The following DCUN1D5 variants were observed in gnomAD, a reference collection of about 807,000 sequenced individuals.
The protein encoded by DCUN1D5 is defective in cullin neddylation 1 domain containing 5.
DCUN1D5 carries 10 observed loss-of-function variants against 38.3 expected under a neutral mutation model. The observed-to-expected ratio is 0.26, with a 90% CI of 0.16 to 0.44. The LOEUF (loss-of-function observed/expected upper bound fraction) is 0.44, where lower values mean the gene tolerates loss of function less well. Among genes scored for constraint, DCUN1D5 ranks in the 20% least tolerant of loss-of-function variants. DCUN1D5 has a pLI of 1.00. For synonymous variants in DCUN1D5, 93 were observed against 90.9 expected (o/e 1.02, Z -0.13); for missense variants, 148 against 275.3 (o/e 0.54, Z 3.27).
Position 103,062,503 on chromosome 11 carries a change from G to A in DCUN1D5, c.659-89C>T, listed in dbSNP as rs970719089. 1.8e-6 allele frequency: 2 copies of A among 1,105,792 alleles called. No individual in the cohort carries two copies. Among genetic ancestry groups the A allele is most frequent in the African/African-American group, 1.6e-5 (1 of 63,570 alleles). 68.5% of individuals were successfully genotyped at this position (1,105,792 alleles called of 1,614,324 possible). ...ACTCCCCACGAGCTCTGCAATGACAGAGGAATGACCCTTCCTTTCTTTGGG... is the reference window on the plus strand; with the variant it reads ...ACTCCCCACGAGCTCTGCAATGACAAAGGAATGACCCTTCCTTTCTTTGGG... On this transcript the variant is annotated intron_variant, in intron 7 of 7. Transcript: ENST00000260247. This position sits in a 1 kb window ranked among gnomAD's most constrained non-coding sequence, Gnocchi z 4.6.
rs1257477519 is a variant in DCUN1D5 at position 103,066,620 on chromosome 11, A to T, written c.342-53T>A. The T allele has an allele frequency of 6.2e-6, 7 of 1,123,774 alleles. No individual in the cohort carries two copies. The highest frequency in any genetic ancestry group is 6.7e-6 in the Non-Finnish European group (5 of 746,594). 69.6% of individuals were successfully genotyped at this position (1,123,774 alleles called of 1,614,324 possible). A position where few individuals can be genotyped will look rare whatever the true frequency, so the allele number is the denominator to read the frequency against. ...TACATAATCAAGAAAATCAAATAAA[A>T]GTATCACTGGGGGTTAGACGTAATG... On this transcript the variant is annotated intron_variant, in intron 4 of 7. Transcript: ENST00000260247. The surrounding 1 kb of genome is among the most constrained non-coding windows in gnomAD (Gnocchi z 4.7).
At chr11:103,072,332 C>T (rs1862292784) in intron 4 of DCUN1D5, among the ~76,000 whole-genome samples, 1 of 138,100 alleles carries the variant, frequency 7.2e-6, no homozygotes, top group Non-Finnish European at 1.6e-5. Flanking sequence ...CCTCAAGGAT[C>T]TAGAACTAGA....
rs1861711703 is a variant in DCUN1D5, at chr11:103,050,974, AC to A, written c.*11384del. 1 of 152,312 alleles carries A rather than the reference AC, an allele frequency of 6.6e-6. No individual in the cohort carries two copies. Among genetic ancestry groups the A allele is most frequent in the East Asian group, 1.9e-4 (1 of 5,184 alleles). 9.4% of individuals were successfully genotyped at this position (152,312 alleles called of 1,614,324 possible). On this transcript the variant is annotated 3_prime_UTR_variant, in exon 8 of 8. Transcript: ENST00000260247. ...AATCAGACCCAGAATAAGGGGGGAA[AC>A]CCTCCATGTCTACAGGATGCAGTAG... is the stretch of plus-strand genomic sequence containing the variant.
rs1382346052 is a variant in DCUN1D5, at chr11:103,052,366, T to C, written c.*9993A>G. On this transcript the variant is annotated 3_prime_UTR_variant, in exon 8 of 8. Coordinates refer to ENST00000260247, the MANE Select transcript of DCUN1D5 (RefSeq NM_032299.4). The stretch of plus-strand genomic sequence containing the variant: ...TAAAATACGGTCCATTTCTTTTAAG[T>C]AACTTGCAGTCTAGGATCAAAGAGA... The C allele has an allele frequency of 6.6e-6, 1 of 152,206 alleles. No homozygotes were observed. Among genetic ancestry groups the C allele is most frequent in the Non-Finnish European group, 1.5e-5 (1 of 68,022 alleles). 9.4% of individuals were successfully genotyped at this position (152,206 alleles called of 1,614,324 possible).
At chr11:103,082,071 C>T (rs1422585583) in intron 4 of DCUN1D5, among the ~76,000 whole-genome samples, 1 of 152,092 alleles carries the variant, frequency 6.6e-6, no homozygotes, top group Non-Finnish European at 1.5e-5. Context: ...AAACATGATA[C>T]TATACAATTA....
intron 4 of DCUN1D5, among the ~76,000 whole-genome samples, chr11:103,070,921 GC>G (rs757469126): frequency 1.3e-5 from 2 of 152,060 alleles, no homozygotes; most frequent in Non-Finnish European, 2.9e-5. Context: ...AAAGTTAATG[GC>G]AAAATCTCCA....
intron 4 of DCUN1D5, among the ~76,000 whole-genome samples, chr11:103,067,736 A>G (rs933011408): frequency 6.6e-6 from 1 of 152,198 alleles, no homozygotes; most frequent in Non-Finnish European, 1.5e-5. Context: ...CATTTCTAGA[A>G]TAAGTCAAAT....
rs759421806 is a variant in DCUN1D5, at chr11:103,062,136, A to G, written c.*223T>C. 84 of 477,110 alleles carry G rather than the reference A, an allele frequency of 1.8e-4. No homozygotes were observed. Among genetic ancestry groups the G allele is most frequent in the Non-Finnish European group, 2.6e-4 (71 of 271,080 alleles). 29.6% of individuals were successfully genotyped at this position (477,110 alleles called of 1,614,324 possible). A position where few individuals can be genotyped will look rare whatever the true frequency, so the allele number is the denominator to read the frequency against. Reference sequence around the variant, plus strand: ...TTGTTCTGAAATAAATGTTATAAACATAACTCAAAACAAAAACTTCAATAT... The same window carrying G: ...TTGTTCTGAAATAAATGTTATAAACGTAACTCAAAACAAAAACTTCAATAT... On this transcript the variant is annotated 3_prime_UTR_variant, in exon 8 of 8. Transcript: ENST00000260247. This position sits in a 1 kb window ranked among gnomAD's most constrained non-coding sequence, Gnocchi z 4.6.
Position 103,056,681 on chromosome 11 carries a change from C to T in DCUN1D5, c.*5678G>A, listed in dbSNP as rs1861881060. Among the ~76,000 whole-genome samples the T allele has an allele frequency of 6.6e-6, 1 of 152,090 alleles. No homozygotes were observed. Among genetic ancestry groups the T allele is most frequent in the Admixed American group, 6.5e-5 (1 of 15,270 alleles). On this transcript the variant is annotated 3_prime_UTR_variant, in exon 8 of 8. Transcript: ENST00000260247. The surrounding 1 kb of genome is among the most constrained non-coding windows in gnomAD (Gnocchi z 4.9). ...TATTCAGGCCTAGAATACTTCTTGG[C>T]ATATAGTAGATGCTTGAGATTTGTT...
chr11:103,085,277 A>G (rs1044290616), intron 2 of DCUN1D5, among the ~76,000 whole-genome samples: 3 of 152,112 alleles, frequency 2.0e-5, no homozygotes, highest in Non-Finnish European at 4.4e-5. Flanking sequence ...GTCTCTACTA[A>G]AACTACAAAA....
intron 1 of DCUN1D5, among the ~76,000 whole-genome samples, chr11:103,090,512 C>T (rs374597036): frequency 3.3e-5 from 5 of 152,218 alleles, no homozygotes; most frequent in African/African-American, 1.2e-4. Context: ...ATCATTATTT[C>T]CTTCTTATAA....
rs147991325 is a variant in DCUN1D5, at chr11:103,091,548, T to C, written c.86+239A>G. 2.2e-4 allele frequency: 125 copies of C among 570,390 alleles called. No individual in the cohort carries two copies. The East Asian group carries it at 3.5e-3, about 16-fold the overall frequency. The allele number at this position is 570,390 out of a possible 1,614,324, so 35.3% of individuals were successfully genotyped here. A position where few individuals can be genotyped will look rare whatever the true frequency, so the allele number is the denominator to read the frequency against. On this transcript the variant is annotated intron_variant, in intron 1 of 7. Transcript: ENST00000260247. The surrounding 1 kb of genome is among the most constrained non-coding windows in gnomAD (Gnocchi z 4.3). The stretch of plus-strand genomic sequence containing the variant: ...TCTGTTCCCCACCCTGCAGGGCACG[T>C]AGACTCTTAACGTGGGCGGCTCTTC...
chr11:103,076,973 T>C (rs961394692), intron 4 of DCUN1D5, among the ~76,000 whole-genome samples: 1 of 151,770 alleles, frequency 6.6e-6, no homozygotes, highest in East Asian at 1.9e-4. Flanking sequence ...TCGAGGCGGG[T>C]GGATCACGAG....
intron 4 of DCUN1D5, among the ~76,000 whole-genome samples, chr11:103,075,627 G>A (rs550602693): frequency 6.6e-6 from 1 of 152,070 alleles, no homozygotes; most frequent in Admixed American, 6.5e-5. Flanking sequence ...TGATCTGCCC[G>A]CCTCAAACCC....
Position 103,061,745 on chromosome 11 carries a change from C to T in DCUN1D5, c.*614G>A, listed in dbSNP as rs1170159044. ...ACAAAACAACTGGACATAATCTTTC[C>T]AATTCTAAGCTCTCTGAGATAAGAC... On this transcript the variant is annotated 3_prime_UTR_variant, in exon 8 of 8. Transcript: ENST00000260247. Among the ~76,000 whole-genome samples the T allele has an allele frequency of 1.3e-5, 2 of 151,880 alleles. No homozygotes were observed. Among genetic ancestry groups the T allele is most frequent in the African/African-American group, 4.8e-5 (2 of 41,344 alleles).
chr11:103,068,971 A>G (rs1862204741), intron 4 of DCUN1D5, among the ~76,000 whole-genome samples: 1 of 152,192 alleles, frequency 6.6e-6, no homozygotes, highest in Non-Finnish European at 1.5e-5. Context: ...GCACAGGTTT[A>G]AGAGAGAATG....
rs1334309235 is a variant in DCUN1D5 at position 103,087,728 on chromosome 11, G to A, written c.178+1499C>T. Reference sequence around the variant, plus strand: ...AGTCACAAGAAAAAATAATATACCTGGGACAATTCCTGGAATAATGCAATT... The same window carrying A: ...AGTCACAAGAAAAAATAATATACCTAGGACAATTCCTGGAATAATGCAATT... On this transcript the variant is annotated intron_variant, in intron 2 of 7. Coordinates refer to ENST00000260247, the MANE Select transcript of DCUN1D5 (RefSeq NM_032299.4). This position sits in a 1 kb window ranked among gnomAD's most constrained non-coding sequence, Gnocchi z 4.1. 6.6e-6 allele frequency among the ~76,000 whole-genome samples: 1 copy of A among 152,028 alleles called. No individual in the cohort carries two copies. Among genetic ancestry groups the A allele is most frequent in the Non-Finnish European group, 1.5e-5 (1 of 68,010 alleles).
rs188870328 is a variant in DCUN1D5, at chr11:103,060,647, C to T, written c.*1712G>A. Among the ~76,000 whole-genome samples, 59 of 152,174 alleles carry T rather than the reference C, an allele frequency of 3.9e-4. No individual in the cohort carries two copies. The highest frequency in any genetic ancestry group is 1.1e-3 in the African/African-American group (45 of 41,532). On this transcript the variant is annotated 3_prime_UTR_variant, in exon 8 of 8. Transcript: ENST00000260247. ...GTCATCTATAAGCTTTAAGTGTTCCCTATTTTACTCAAATACTGAAGATGA... is the reference window on the plus strand; with the variant it reads ...GTCATCTATAAGCTTTAAGTGTTCCTTATTTTACTCAAATACTGAAGATGA...
chr11:103,066,556 G>A lies in DCUN1D5; in HGVS notation c.353C>T (p.Thr118Ile). Reference sequence around the variant, plus strand: ...GTCAAATTTGTTTTGTAACTTTTCTGTGCAGTCACACCTTAAATAAAAGAA... The same window carrying A: ...GTCAAATTTGTTTTGTAACTTTTCTATGCAGTCACACCTTAAATAAAAGAA... ...KGMTSLQCDCTEKLQNKFDFL... is the reference protein window; with the variant it reads ...KGMTSLQCDCIEKLQNKFDFL... Residue 118 changes from threonine to isoleucine, a missense_variant, in exon 5 of 8, where the codon ACA becomes ATA. Coordinates refer to ENST00000260247, the MANE Select transcript of DCUN1D5 (RefSeq NM_032299.4). The surrounding 1 kb of genome is among the most constrained non-coding windows in gnomAD (Gnocchi z 4.7). 1 of 1,598,910 alleles carries A rather than the reference G, an allele frequency of 6.3e-7. No homozygotes were observed. The highest frequency in any genetic ancestry group is 8.6e-7 in the Non-Finnish European group (1 of 1,168,436).
Sources: gnomAD v4.1 joint callset for allele counts (sites outside exome capture counted in the v4.1 genomes callset) on GRCh38, gnomAD v4.1.1 for gene constraint, Gnocchi (gnomAD v3.1) non-coding constraint, MANE v1.5 for transcripts, NCBI Gene and HGNC (gene_info 2026-07-23, HGNC 2026-07-21) for gene names.